The following FRAS1 variants were observed in gnomAD, a reference collection of about 807,000 sequenced individuals.
FRAS1 encodes the protein extracellular matrix organizing protein FRAS1.
Under a neutral mutation model 435.2 loss-of-function variants are expected in FRAS1, and 290 were observed. That is an observed-to-expected ratio of 0.67 (90% CI 0.61 to 0.73). The LOEUF is 0.73. FRAS1 is among the 30% of genes least tolerant of loss of function. FRAS1 has a pLI of 0.00. For synonymous variants in FRAS1, 1,800 were observed against 1,851.0 expected (o/e 0.97, Z 0.71); for missense variants, 4,860 against 5,001.5 (o/e 0.97, Z 0.85).
chr4:78,314,308 T>A (rs1416951219), intron 15 of FRAS1, among the ~76,000 whole-genome samples: 2 of 152,152 alleles, frequency 1.3e-5, no homozygotes, highest in Non-Finnish European at 2.9e-5. Context: ...CTCATGGCAC[T>A]CCCCCACACC....
At chr4:78,327,107 A>G (rs764979337) in intron 18 of FRAS1, among the ~76,000 whole-genome samples, 1 of 152,176 alleles carries the variant, frequency 6.6e-6, no homozygotes, top group Non-Finnish European at 1.5e-5. Flanking sequence ...CTACAATCCC[A>G]GTGGTTTGGG....
intron 25 of FRAS1, among the ~76,000 whole-genome samples, chr4:78,375,508 A>G (rs1183512291): frequency 6.6e-6 from 1 of 152,222 alleles, no homozygotes; most frequent in African/African-American, 2.4e-5. Context: ...AACTTTTTAA[A>G]CAATTCATTT....
rs544205390 is a variant in FRAS1 at position 78,485,844 on chromosome 4, C to T, written c.8753-3031C>T. Among the ~76,000 whole-genome samples the T allele has an allele frequency of 2.0e-5, 3 of 152,214 alleles. No individual in the cohort carries two copies. In the South Asian group the frequency reaches 6.2e-4, roughly 32 times the overall value. On this transcript the variant is annotated intron_variant, in intron 58 of 73. Transcript: ENST00000512123. ...TTCACATTTCAGTTTCAGCTGGCCA[C>T]TGCCCTCTGTATAACAATGCTAACC...
intron 15 of FRAS1, among the ~76,000 whole-genome samples, chr4:78,311,222 T>C (rs1729006164): frequency 6.6e-6 from 1 of 152,164 alleles, no homozygotes; most frequent in Non-Finnish European, 1.5e-5. Flanking sequence ...TCTTCATTTC[T>C]CTTTTGCACC....
At chr4:78,059,700 A>G (rs1739662633) in intron 1 of FRAS1, among the ~76,000 whole-genome samples, 1 of 151,904 alleles carries the variant, frequency 6.6e-6, no homozygotes, top group Non-Finnish European at 1.5e-5. Context: ...ACCAGGGGGC[A>G]GTTGGAATGG....
chr4:78,293,056 C>G (rs1329136247), intron 14 of FRAS1, among the ~76,000 whole-genome samples: 1 of 152,182 alleles, frequency 6.6e-6, no homozygotes, highest in African/African-American at 2.4e-5. Flanking sequence ...CGCCCTGTCC[C>G]AGACACCAGA....
intron 58 of FRAS1, among the ~76,000 whole-genome samples, chr4:78,485,322 G>A (rs555319298): frequency 6.6e-6 from 1 of 152,174 alleles, no homozygotes; most frequent in East Asian, 1.9e-4. Context: ...CAAGACTCCA[G>A]TAACATATAG....
At chr4:78,307,246 G>T (rs1410426135) in intron 14 of FRAS1, among the ~76,000 whole-genome samples, 2 of 152,228 alleles carry the variant, frequency 1.3e-5, no homozygotes, top group Non-Finnish European at 2.9e-5. Context: ...CTGCGTGCTG[G>T]GAGAACCACT....
chr4:78,149,967 G>A (rs754085155), intron 2 of FRAS1, among the ~76,000 whole-genome samples: 1 of 152,212 alleles, frequency 6.6e-6, no homozygotes, highest in Non-Finnish European at 1.5e-5. Flanking sequence ...AGGCAGTGGA[G>A]CGTGGACAAG....
intron 2 of FRAS1, among the ~76,000 whole-genome samples, chr4:78,163,426 C>T (rs1578161215): frequency 6.6e-6 from 1 of 152,214 alleles, no homozygotes; most frequent in South Asian, 2.1e-4. Context: ...TTCACATATT[C>T]TCGGGACCAG....
intron 20 of FRAS1, among the ~76,000 whole-genome samples, chr4:78,347,540 G>T (rs1730651673): frequency 6.6e-6 from 1 of 152,134 alleles, no homozygotes; most frequent in Admixed American, 6.5e-5. Flanking sequence ...AACGTCCAAA[G>T]CTCCAGCCAT....
At chr4:78,364,615 T>A (rs1249930130) in intron 22 of FRAS1, among the ~76,000 whole-genome samples, 2 of 152,204 alleles carry the variant, frequency 1.3e-5, no homozygotes, top group African/African-American at 4.8e-5. Context: ...AGTCAGAATA[T>A]GATTAATTAC....
At chr4:78,070,038 A>C (rs1740256059) in intron 2 of FRAS1, among the ~76,000 whole-genome samples, 1 of 151,844 alleles carries the variant, frequency 6.6e-6, no homozygotes, top group Non-Finnish European at 1.5e-5. Context: ...ACTGCCATGC[A>C]GTTGTCTCTG....
chr4:78,463,996 T>C, intron 47 of FRAS1, 25 bp from the exon 48 acceptor site: 1 of 1,611,766 alleles, frequency 6.2e-7, no homozygotes, highest in Non-Finnish European at 8.5e-7. Context: ...ATCCTGTCTC[T>C]GTTTCTCTTT....
At chr4:78,146,865 G>C (rs1370051093) in intron 2 of FRAS1, among the ~76,000 whole-genome samples, 1 of 151,740 alleles carries the variant, frequency 6.6e-6, no homozygotes, top group Non-Finnish European at 1.5e-5. Flanking sequence ...TTTGTGAATT[G>C]ATAATTACAT....
At chr4:78,406,562 C>G (rs1228645888) in intron 30 of FRAS1, among the ~76,000 whole-genome samples, 1 of 152,176 alleles carries the variant, frequency 6.6e-6, no homozygotes, top group Non-Finnish European at 1.5e-5. Flanking sequence ...AGACCGGCCC[C>G]TATGATTCAA....
intron 72 of FRAS1, 76 bp from the exon 73 acceptor site, chr4:78,539,218 C>T (rs1468745816): frequency 2.8e-6 from 4 of 1,439,904 alleles, no homozygotes; most frequent in Non-Finnish European, 3.8e-6. Context: ...TACTTTTCTC[C>T]TCCCAGTCAC....
At chr4:78,403,740 A>C (rs2110348646) in intron 30 of FRAS1, among the ~76,000 whole-genome samples, 1 of 152,310 alleles carries the variant, frequency 6.6e-6, no homozygotes, top group African/African-American at 2.4e-5. Flanking sequence ...AACTCATCAT[A>C]AGTTGAAATT....
chr4:78,420,800 G>A (rs1733748637), intron 33 of FRAS1, among the ~76,000 whole-genome samples: 1 of 149,396 alleles, frequency 6.7e-6, no homozygotes, highest in Admixed American at 6.7e-5. Context: ...ACCTGGTCTA[G>A]GCTATGGTAG....
Sources: gnomAD v4.1 joint callset for allele counts (sites outside exome capture counted in the v4.1 genomes callset) on GRCh38, gnomAD v4.1.1 for gene constraint, MANE v1.5 for transcripts, NCBI Gene and HGNC (gene_info 2026-07-23, HGNC 2026-07-21) for gene names.